The following NDOR1 variants were observed in gnomAD, a reference collection of about 807,000 sequenced individuals.
NDOR1 encodes NADPH dependent diflavin oxidoreductase 1.
NDOR1 carries 61 observed loss-of-function variants against 67.2 expected under a neutral mutation model. The ratio of observed to expected loss-of-function variants is 0.91; its 90% CI spans 0.74 to 1.12. The LOEUF is 1.12. Ranked by LOEUF, NDOR1 falls within the 50% of genes most tolerant of loss-of-function variation. The probability of loss-of-function intolerance (pLI) is 0.00; values close to 1 mark genes in which losing one functional copy is unlikely to be tolerated. For missense variants in NDOR1, 878 were observed against 802.8 expected, an observed-to-expected ratio of 1.09 and a Z score of -1.13; for synonymous variants, 378 against 343.7, an observed-to-expected ratio of 1.10 and a Z score of -1.10.
At position 137,214,584 on chromosome 9, in the gene NDOR1, A is replaced by T; in HGVS notation, c.737A>T (p.Asp246Val). ...LGSGISFAAG[D>V]VVLIQPSNSA... Reference sequence around the variant, plus strand: ...CTTCCACACAGCTTTGCTGCTGGTGATGTGGTGCTGATTCAGCCCTCCAAC... The same window carrying T: ...CTTCCACACAGCTTTGCTGCTGGTGTTGTGGTGCTGATTCAGCCCTCCAAC... Residue 246 changes from aspartate (D) to valine (V), a missense_variant, in exon 7 of 14, where the codon GAT becomes GTT. Asp to Val is a radical substitution (Grantham distance 152). Coordinates refer to ENST00000684003, the MANE Select transcript of NDOR1 (RefSeq NM_014434.4). 3 of 1,611,530 alleles carry T rather than the reference A, an allele frequency of 1.9e-6. No homozygotes were observed. The highest frequency in any genetic ancestry group is 2.5e-6 in the Non-Finnish European group (3 of 1,179,910).
At chr9:137,215,564 C>T in intron 10 of NDOR1, 43 bp downstream of exon 10, 2 of 1,611,176 alleles carry the variant, frequency 1.2e-6, no homozygotes, top group Non-Finnish European at 1.7e-6. Flanking sequence ...CCCATATCCC[C>T]TTCTCTCCCA....
At chr9:137,206,918 C>G (rs966240695) in intron 2 of NDOR1, among the ~76,000 whole-genome samples, 7 of 151,954 alleles carry the variant, frequency 4.6e-5, no homozygotes, top group Non-Finnish European at 8.8e-5. Context: ...AGTCAGGCAC[C>G]GAGGAAGAAG....
rs752387696 is a variant in NDOR1, at chr9:137,214,535, G to C, written c.723-35G>C. The C allele has an allele frequency of 6.2e-6, 10 of 1,610,266 alleles. No individual in the cohort carries two copies. The Admixed American group carries it at 1.7e-4, about 27-fold the overall frequency. ...CCGGGGCCCCGACATCCTCCCTGCG[G>C]CGTCCCCACAGCCCTGGTGGCTTCT... On this transcript the variant is annotated intron_variant, in intron 6 of 13. Coordinates refer to ENST00000684003, the MANE Select transcript of NDOR1 (RefSeq NM_014434.4).
In NDOR1 at chr9:137,209,516, C is replaced by A. The variant is rs946588296; in HGVS notation, c.214-2986C>A. ...CAAGTGTGGGCACCCACAGAGAAGA[C>A]CAGGAGTTGGAGGGGGCAGCTAATG... is the stretch of plus-strand genomic sequence containing the variant. On this transcript the variant is annotated intron_variant, in intron 2 of 13. Coordinates refer to ENST00000684003, the MANE Select transcript of NDOR1 (RefSeq NM_014434.4). 4.6e-5 allele frequency among the ~76,000 whole-genome samples: 7 copies of A among 152,224 alleles called. No individual in the cohort carries two copies. The East Asian group carries it at 1.4e-3, about 29-fold the overall frequency.
Position 137,212,187 on chromosome 9 carries a change from G to C in NDOR1, c.214-315G>C, listed in dbSNP as rs1183330313. Among the ~76,000 whole-genome samples, 1 of 152,002 alleles carries C rather than the reference G, an allele frequency of 6.6e-6. No homozygotes were observed. Among genetic ancestry groups the C allele is most frequent in the East Asian group, 1.9e-4 (1 of 5,182 alleles). On this transcript the variant is annotated intron_variant, in intron 2 of 13. Coordinates refer to ENST00000684003, the MANE Select transcript of NDOR1 (RefSeq NM_014434.4). The surrounding 1 kb of genome is among the most constrained non-coding windows in gnomAD (Gnocchi z 4.3). ...ACCAAGTGCAGAGCTGCTCCTGGCA[G>C]CTCAGAGCCTGGGGCAGAGGAGGGT...
chr9:137,214,572 T>G lies in NDOR1; in HGVS notation c.725T>G (p.Phe242Cys). The change falls in exon 7 of 14, where the codon TTT (phenylalanine) becomes TGT (cysteine). Residue 242 changes from phenylalanine (F) to cysteine (C), a missense_variant and splice_region_variant. Transcript: ENST00000684003. ...EFDILGSGIS[F>C]AAGDVVLIQP... Reference sequence around the variant, plus strand: ...CCCTGGTGGCTTCTTCCACACAGCTTTGCTGCTGGTGATGTGGTGCTGATT... The same window carrying G: ...CCCTGGTGGCTTCTTCCACACAGCTGTGCTGCTGGTGATGTGGTGCTGATT... 2.5e-6 allele frequency: 4 copies of G among 1,611,484 alleles called. No individual in the cohort carries two copies. The highest frequency in any genetic ancestry group is 3.4e-6 in the Non-Finnish European group (4 of 1,179,920).
chr9:137,216,552 G>T lies in NDOR1; in HGVS notation c.*136G>T. Reference sequence around the variant, plus strand: ...GGTCCTCTGGGAACAGCCAGCTCCCGAGCACAGCCGCACTCCTGTTGACCC... The same window carrying T: ...GGTCCTCTGGGAACAGCCAGCTCCCTAGCACAGCCGCACTCCTGTTGACCC... On this transcript the variant is annotated 3_prime_UTR_variant, in exon 14 of 14. Transcript: ENST00000684003. The T allele has an allele frequency of 8.6e-7, 1 of 1,162,928 alleles. No individual in the cohort carries two copies. The highest frequency in any genetic ancestry group is 1.2e-6 in the Non-Finnish European group (1 of 846,488). The allele number at this position is 1,162,928 out of a possible 1,614,324, so 72.0% of individuals were successfully genotyped here. A position where few individuals can be genotyped will look rare whatever the true frequency, so the allele number is the denominator to read the frequency against.
chr9:137,214,769 C>T (rs1250440020), intron 7 of NDOR1, 29 bp from the exon 8 acceptor site: 1 of 1,596,750 alleles, frequency 6.3e-7, no homozygotes, highest in Non-Finnish European at 8.5e-7. Flanking sequence ...TCCGCCGCAG[C>T]CCACGGAGGC....
At chr9:137,215,588 G>T in intron 10 of NDOR1, 67 bp downstream of exon 10, 3 of 1,607,190 alleles carry the variant, frequency 1.9e-6, no homozygotes, top group Non-Finnish European at 2.5e-6. Flanking sequence ...TCATGCAAAT[G>T]CTGGGCTAGG....
At chr9:137,209,373 G>C (rs1223786325) in intron 2 of NDOR1, among the ~76,000 whole-genome samples, 1 of 152,174 alleles carries the variant, frequency 6.6e-6, no homozygotes, top group Non-Finnish European at 1.5e-5. Context: ...GGTGGGATAG[G>C]GAAGCCCCAG....
Position 137,214,687 on chromosome 9 carries a change from G to C in NDOR1, c.840G>C (p.Glu280Asp). Residue 280 changes from glutamate to aspartate, a missense_variant, in exon 7 of 14, where the codon GAG becomes GAC. By Grantham distance (45) the Glu-to-Asp change is conservative (BLOSUM62 2). Transcript: ENST00000684003. ...AGCTCTTCATGCTGCAGCCGCGGGA[G>C]CCAGGTGAGCCCAGCCTCGGCCACC... is the stretch of plus-strand genomic sequence containing the variant. ...PDQLFMLQPR[E>D]PDVSSPTRLP... The C allele has an allele frequency of 6.2e-7, 1 of 1,602,926 alleles. No individual in the cohort carries two copies. The highest frequency in any genetic ancestry group is 8.5e-7 in the Non-Finnish European group (1 of 1,179,778).
Position 137,214,608 on chromosome 9 carries a change from A to T in NDOR1, c.761A>T (p.Asn254Ile). 6.2e-7 allele frequency: 1 copy of T among 1,610,802 alleles called. No homozygotes were observed. The highest frequency in any genetic ancestry group is 8.5e-7 in the Non-Finnish European group (1 of 1,179,896). The change falls in exon 7 of 14, where the codon AAC (asparagine) becomes ATC (isoleucine). Residue 254 changes from asparagine (N) to isoleucine (I), a missense_variant. Asn to Ile is a moderately radical substitution (Grantham distance 149). Coordinates refer to ENST00000684003, the MANE Select transcript of NDOR1 (RefSeq NM_014434.4). ...AGDVVLIQPSNSAAHVQRFCQ... is the reference protein window; with the variant it reads ...AGDVVLIQPSISAAHVQRFCQ... ...GATGTGGTGCTGATTCAGCCCTCCA[A>T]CTCGGCTGCCCATGTCCAGCGGTTC...
chr9:137,214,951 T>G lies in NDOR1; in HGVS notation c.998T>G (p.Phe333Cys). 1 of 1,613,596 alleles carries G rather than the reference T, an allele frequency of 6.2e-7. No homozygotes were observed. Among genetic ancestry groups the G allele is most frequent in the Non-Finnish European group, 8.5e-7 (1 of 1,180,028 alleles). The change falls in exon 8 of 14, where the codon TTC becomes TGC. Residue 333 changes from phenylalanine (F) to cysteine (C), a missense_variant. Transcript: ENST00000684003. ...HELEREKLLE[F>C]SSAQGQEELF... ...CTGGAGCGGGAGAAGCTGCTGGAGTTCAGTTCTGCCCAAGGCCAGGAGGAG... is the reference window on the plus strand; with the variant it reads ...CTGGAGCGGGAGAAGCTGCTGGAGTGCAGTTCTGCCCAAGGCCAGGAGGAG...
chr9:137,215,944 A>T lies in NDOR1; in HGVS notation c.1481A>T (p.Tyr494Phe). Residue 494 changes from tyrosine to phenylalanine, a missense_variant, in exon 12 of 14, where the codon TAC (tyrosine) becomes TTC (phenylalanine). Coordinates refer to ENST00000684003, the MANE Select transcript of NDOR1 (RefSeq NM_014434.4). Reference protein sequence around the residue: ...FGCRWRDQDFYWEAEWQELEK... With the variant: ...FGCRWRDQDFFWEAEWQELEK... Reference sequence around the variant, plus strand: ...TGCCGCTGGCGGGACCAAGACTTCTACTGGGAGGCTGAGTGGCAGGAGCTG... The same window carrying T: ...TGCCGCTGGCGGGACCAAGACTTCTTCTGGGAGGCTGAGTGGCAGGAGCTG... 1 of 1,613,722 alleles carries T rather than the reference A, an allele frequency of 6.2e-7. No homozygotes were observed. Among genetic ancestry groups the T allele is most frequent in the Non-Finnish European group, 8.5e-7 (1 of 1,180,000 alleles).
chr9:137,216,641 A>G lies in NDOR1; in HGVS notation c.*225A>G, dbSNP rs1835622281. The stretch of plus-strand genomic sequence containing the variant: ...TGCCCAGCCAGCCCTGCGCTCCCCC[A>G]CCCTGACAGTGAGCTGTGTCCTCGT... On this transcript the variant is annotated 3_prime_UTR_variant, in exon 14 of 14. Coordinates refer to ENST00000684003, the MANE Select transcript of NDOR1 (RefSeq NM_014434.4). 6.8e-6 allele frequency: 4 copies of G among 584,308 alleles called. No individual in the cohort carries two copies. Among genetic ancestry groups the G allele is most frequent in the Non-Finnish European group, 1.2e-5 (4 of 334,198 alleles). 36.2% of individuals were successfully genotyped at this position (584,308 alleles called of 1,614,324 possible).
At position 137,214,350 on chromosome 9, in the gene NDOR1, C is replaced by T; in HGVS notation, c.659C>T (p.Thr220Ile). 3 of 1,614,180 alleles carry T rather than the reference C, an allele frequency of 1.9e-6. No individual in the cohort carries two copies. The highest frequency in any genetic ancestry group is 1.7e-5 in the Admixed American group (1 of 60,026). The change falls in exon 6 of 14, where the codon ACC (threonine) becomes ATC (isoleucine). Residue 220 changes from threonine to isoleucine, a missense_variant. By Grantham distance (89) the Thr-to-Ile change is moderately conservative. Transcript: ENST00000684003. The stretch of plus-strand genomic sequence containing the variant: ...CCCATGATCTCCAACCAGAGAGTCA[C>T]CGGCCCCTCCCACTTCCAGGACGTT... Reference protein sequence around the residue: ...LAPMISNQRVTGPSHFQDVRL... With the variant: ...LAPMISNQRVIGPSHFQDVRL...
rs191091249 is a variant in NDOR1, at chr9:137,213,292, C to T, written c.312-488C>T. ...GTTCGTTCAAGAGAGGGAGGGAGGCCGCTGCCGACAGCGTTCCCAGGGAGG... is the reference window on the plus strand; with the variant it reads ...GTTCGTTCAAGAGAGGGAGGGAGGCTGCTGCCGACAGCGTTCCCAGGGAGG... On this transcript the variant is annotated intron_variant, in intron 3 of 13. Coordinates refer to ENST00000684003, the MANE Select transcript of NDOR1 (RefSeq NM_014434.4). Among the ~76,000 whole-genome samples, 78 of 152,316 alleles carry T rather than the reference C, an allele frequency of 5.1e-4. No individual in the cohort carries two copies. In the East Asian group the frequency reaches 9.1e-3, roughly 18 times the overall value.
At position 137,216,699 on chromosome 9, in the gene NDOR1, C is replaced by A; in HGVS notation, c.*283C>A. ...CCCCCTTCCCAGTCAAGGTGGTGGC[C>A]TGGGCCGCTCCACCTCACCGGTGCA... On this transcript the variant is annotated 3_prime_UTR_variant, in exon 14 of 14. Coordinates refer to ENST00000684003, the MANE Select transcript of NDOR1 (RefSeq NM_014434.4). 1 of 490,486 alleles carries A rather than the reference C, an allele frequency of 2.0e-6. No individual in the cohort carries two copies. The highest frequency in any genetic ancestry group is 3.7e-6 in the Non-Finnish European group (1 of 269,296). 30.4% of individuals were successfully genotyped at this position (490,486 alleles called of 1,614,324 possible).
chr9:137,205,741 G>C lies in NDOR1; in HGVS notation c.-37G>C. 1.3e-6 allele frequency: 2 copies of C among 1,599,750 alleles called. No individual in the cohort carries two copies. The highest frequency in any genetic ancestry group is 8.5e-7 in the Non-Finnish European group (1 of 1,179,410). ...CCCGGCCGGCGGGAACTGCCTTCTA[G>C]TTTTTAGTCTCAGACCAGACCACCG... On this transcript the variant is annotated 5_prime_UTR_variant, in exon 1 of 14. Coordinates refer to ENST00000684003, the MANE Select transcript of NDOR1 (RefSeq NM_014434.4).
Sources: allele counts gnomAD v4.1 joint callset (sites outside exome capture counted in the v4.1 genomes callset), GRCh38; gene constraint gnomAD v4.1.1; non-coding constraint Gnocchi (gnomAD v3.1); transcripts MANE v1.5; gene names NCBI Gene and HGNC (gene_info 2026-07-23, HGNC 2026-07-21).